The following NCKAP5 variants were observed in gnomAD, a reference collection of about 807,000 sequenced individuals.
The protein encoded by NCKAP5 is nck-associated protein 5.
Under a neutral mutation model 167.0 loss-of-function variants are expected in NCKAP5, and 92 were observed. That is an observed-to-expected ratio of 0.55 (90% confidence interval 0.47 to 0.66). The LOEUF is 0.66. Among genes scored for constraint, NCKAP5 ranks in the 30% least tolerant of loss-of-function variants. The pLI, the probability that NCKAP5 is intolerant of heterozygous loss-of-function variation, is 0.00. For missense variants in NCKAP5, 2,378 were observed against 2,315.0 expected, an observed-to-expected ratio of 1.03 and a Z score of -0.56; for synonymous variants, 891 against 877.4, an observed-to-expected ratio of 1.02 and a Z score of -0.27.
the NCKAP5 span, among the ~76,000 whole-genome samples, chr2:133,635,864 G>A: frequency 5.7e-3 from 870 of 152,334 alleles, 9 homozygotes; most frequent in African/African-American, 0.019. Flanking sequence ...CTGCCAGCTA[G>A]AGGAAGGAAT....
At chr2:132,925,784 G>C (rs919709658) in intron 8 of NCKAP5, among the ~76,000 whole-genome samples, 3 of 152,114 alleles carry the variant, frequency 2.0e-5, no homozygotes, top group Non-Finnish European at 4.4e-5. Context: ...ATCTTCAATA[G>C]TTGAGGAAGT....
chr2:133,245,896 GAAA>G (rs771074749), intron 4 of NCKAP5, among the ~76,000 whole-genome samples: 5 of 60,170 alleles, frequency 8.3e-5, no homozygotes, highest in African/African-American at 4.2e-4. Flanking sequence ...ATTTGATCAG[GAAA>G]AAAAAAAAAA....
chr2:132,812,762 G>C (rs1212690597), intron 11 of NCKAP5, among the ~76,000 whole-genome samples: 1 of 152,162 alleles, frequency 6.6e-6, no homozygotes, highest in Non-Finnish European at 1.5e-5. Flanking sequence ...ATAAACAATA[G>C]AAATGTATTT....
chr2:133,012,275 T>A (rs941819497), intron 6 of NCKAP5, among the ~76,000 whole-genome samples: 1 of 152,108 alleles, frequency 6.6e-6, no homozygotes, highest in African/African-American at 2.4e-5. Context: ...TGAGACAGAG[T>A]CTTGCTCTGT....
intron 6 of NCKAP5, among the ~76,000 whole-genome samples, chr2:133,017,766 A>T (rs529368026): frequency 6.7e-6 from 1 of 149,454 alleles, no homozygotes; most frequent in Admixed American, 6.7e-5. Flanking sequence ...CTCCCCAAAC[A>T]CATGAAAGCA....
chr2:133,003,606 A>T (rs1218285468), intron 6 of NCKAP5, among the ~76,000 whole-genome samples: 1 of 152,248 alleles, frequency 6.6e-6, no homozygotes, highest in Admixed American at 6.5e-5. Context: ...GTAAATCTAC[A>T]GTGAACATAA....
In NCKAP5 at chr2:133,406,009, C is replaced by T. The variant is rs139178937; in HGVS notation, c.70-102899G>A. On this transcript the variant is annotated intron_variant, in intron 3 of 19. Transcript: ENST00000409261. ...ATAATTTACAGGTCTGTATAATCCC[C>T]GAATTGAAGATCCATTGCTTGTAAA... 5.4e-4 allele frequency among the ~76,000 whole-genome samples: 82 copies of T among 152,316 alleles called. 1 individual carries two copies. The Middle Eastern group carries it at 0.027, about 51-fold the overall frequency.
At chr2:133,308,856 G>A (rs1574662414) in intron 3 of NCKAP5, among the ~76,000 whole-genome samples, 1 of 149,472 alleles carries the variant, frequency 6.7e-6, no homozygotes, top group Non-Finnish European at 1.5e-5. Flanking sequence ...GATTACAGGC[G>A]CCCGCCACCG....
At chr2:133,373,877 A>G (rs1414329542) in intron 3 of NCKAP5, among the ~76,000 whole-genome samples, 1 of 152,260 alleles carries the variant, frequency 6.6e-6, no homozygotes, top group Non-Finnish European at 1.5e-5. Context: ...TCACATGCCA[A>G]AAAGTGAATC....
intron 5 of NCKAP5, among the ~76,000 whole-genome samples, chr2:133,153,235 C>G (rs1349041519): frequency 6.6e-6 from 1 of 151,864 alleles, no homozygotes. Flanking sequence ...TTGTCAAAAC[C>G]CAGAGAACTA....
intron 11 of NCKAP5, among the ~76,000 whole-genome samples, chr2:132,843,446 T>C (rs1672088573): frequency 6.6e-6 from 1 of 152,098 alleles, no homozygotes; most frequent in Non-Finnish European, 1.5e-5. Flanking sequence ...TTACCCAATG[T>C]CCCTCTTCAT....
intron 4 of NCKAP5, among the ~76,000 whole-genome samples, chr2:133,277,024 TTTTC>T (rs1182554948): frequency 7.2e-5 from 11 of 152,164 alleles, no homozygotes; most frequent in African/African-American, 2.7e-4. Flanking sequence ...TTGATGTATA[TTTTC>T]TTAACATCAT....
At position 133,376,825 on chromosome 2, in the gene NCKAP5, TAGA is replaced by T. The variant is rs1162047188; in HGVS notation, c.70-73718_70-73716del. ...GTTAGGAGCTGAGCCACAGCAGTGC[TAGA>T]CATTGCCAGTGGTACCTGTGTGACA... On this transcript the variant is annotated intron_variant, in intron 3 of 19. Coordinates refer to ENST00000409261, the MANE Select transcript of NCKAP5 (RefSeq NM_207363.3). Among the ~76,000 whole-genome samples, 3 of 152,334 alleles carry T rather than the reference TAGA, an allele frequency of 2.0e-5. No homozygotes were observed. The East Asian group carries it at 5.8e-4, about 29-fold the overall frequency.
intron 8 of NCKAP5, among the ~76,000 whole-genome samples, chr2:132,901,063 A>C (rs1693589512): frequency 2.0e-5 from 3 of 151,472 alleles, no homozygotes; most frequent in African/African-American, 7.3e-5. Flanking sequence ...CAAGAAAGTT[A>C]CATCTCTACT....
intron 8 of NCKAP5, among the ~76,000 whole-genome samples, chr2:132,958,764 C>A (rs538049794): frequency 1.3e-5 from 2 of 152,208 alleles, no homozygotes; most frequent in South Asian, 4.2e-4. Context: ...ACTGCTGTCT[C>A]CTTTTTATTT....
At chr2:133,671,623 G>A in the NCKAP5 span, among the ~76,000 whole-genome samples, 1 of 152,048 alleles carries the variant, frequency 6.6e-6, no homozygotes. Context: ...CCAGCAAAAG[G>A]CTGTCATCAG....
intron 16 of NCKAP5, among the ~76,000 whole-genome samples, chr2:132,766,233 T>G (rs1681469612): frequency 8.0e-6 from 1 of 124,956 alleles, no homozygotes; most frequent in Non-Finnish European, 1.5e-5. Context: ...TGAGCTGAGA[T>G]CGCACCACTA....
intron 3 of NCKAP5, among the ~76,000 whole-genome samples, chr2:133,470,323 G>A (rs918128802): frequency 4.3e-4 from 66 of 152,218 alleles, no homozygotes; most frequent in African/African-American, 1.2e-3. Flanking sequence ...TAGGCTGCTC[G>A]GGGGTCAGGG....
chr2:133,374,288 C>T (rs562833634), intron 3 of NCKAP5, among the ~76,000 whole-genome samples: 1 of 152,234 alleles, frequency 6.6e-6, no homozygotes, highest in South Asian at 2.1e-4. Flanking sequence ...CTTTATGACA[C>T]TCTAGAAAAG....
Sources: gnomAD v4.1 joint callset for allele counts (sites outside exome capture counted in the v4.1 genomes callset) on GRCh38, gnomAD v4.1.1 for gene constraint, MANE v1.5 for transcripts, NCBI Gene and HGNC (gene_info 2026-07-23, HGNC 2026-07-21) for gene names.